The following EPB41L3 variants were observed in gnomAD, a reference collection of about 807,000 sequenced individuals.
EPB41L3 encodes the protein erythrocyte membrane protein band 4.1 like 3.
Under a neutral mutation model 127.1 loss-of-function variants are expected in EPB41L3, and 57 were observed. The observed-to-expected ratio is 0.45, with a 90% confidence interval of 0.36 to 0.56. EPB41L3 has a LOEUF of 0.56. EPB41L3 is among the 20% of genes least tolerant of loss of function. The probability of loss-of-function intolerance (pLI) is 0.00; values close to 1 mark genes in which losing one functional copy is unlikely to be tolerated. For missense variants in EPB41L3, 1,273 were observed against 1,372.2 expected, an observed-to-expected ratio of 0.93 and a Z score of 1.14; for synonymous variants, 572 against 549.5, an observed-to-expected ratio of 1.04 and a Z score of -0.57.
At chr18:5,501,993 G>T (rs954275330) in intron 1 of EPB41L3, among the ~76,000 whole-genome samples, 5 of 152,106 alleles carry the variant, frequency 3.3e-5, no homozygotes, top group African/African-American at 1.2e-4. Flanking sequence ...ACTCTGTTAT[G>T]AAAGCGTTAA....
At chr18:5,528,556 T>C (rs1304291446) in intron 1 of EPB41L3, among the ~76,000 whole-genome samples, 1 of 152,146 alleles carries the variant, frequency 6.6e-6, no homozygotes, top group Non-Finnish European at 1.5e-5. Flanking sequence ...ATAATATTTT[T>C]GTAAAATAAT....
At chr18:5,629,112 A>G (rs1044161323), upstream of EPB41L3, 1 of 152,226 alleles carries the variant, frequency 6.6e-6, no homozygotes. Flanking sequence ...AGCCACGGGA[A>G]GATGCAACGC....
At chr18:5,450,923 G>A (rs1405101984) in intron 3 of EPB41L3, among the ~76,000 whole-genome samples, 3 of 152,014 alleles carry the variant, frequency 2.0e-5, no homozygotes, top group African/African-American at 2.4e-5. Context: ...TAGAAACTTC[G>A]TCAGGTTCCG....
chr18:5,603,143 T>G (rs2094608411), intron 3 of EPB41L3, among the ~76,000 whole-genome samples: 1 of 152,210 alleles, frequency 6.6e-6, no homozygotes, highest in Non-Finnish European at 1.5e-5. Flanking sequence ...ACTTAATGTC[T>G]TATTCATCAG....
chr18:5,628,482 C>T (rs1568671957), intron 1 of EPB41L3, among the ~76,000 whole-genome samples: 2 of 152,228 alleles, frequency 1.3e-5, no homozygotes, highest in Non-Finnish European at 2.9e-5. Context: ...CTGGCCTCGC[C>T]TCGCCTCCGG....
intron 1 of EPB41L3, among the ~76,000 whole-genome samples, chr18:5,489,709 A>T (rs2090360387): frequency 6.6e-6 from 1 of 152,184 alleles, no homozygotes; most frequent in Non-Finnish European, 1.5e-5. Context: ...CTCTTAATCC[A>T]GTTATCCCTC....
chr18:5,540,433 C>T, intron 1 of EPB41L3: 1 of 985,454 alleles, frequency 1.0e-6, no homozygotes, highest in Non-Finnish European at 1.2e-6. Flanking sequence ...CTGGTTTTGC[C>T]TGCCCCACCC....
rs2077117883 is a variant in EPB41L3, at chr18:5,418,741, A to G, written c.1506+970T>C. ...ATATTTTAGCATAACTACAAAAATT[A>G]TTTGTCTATGTTAAGATGTCACTGC... On this transcript the variant is annotated intron_variant, in intron 12 of 22. Coordinates refer to ENST00000341928, the MANE Select transcript of EPB41L3 (RefSeq NM_012307.5). Among the ~76,000 whole-genome samples the G allele has an allele frequency of 2.0e-5, 3 of 152,182 alleles. 1 individual carries two copies. The South Asian group carries it at 6.2e-4, about 32-fold the overall frequency.
At chr18:5,482,309 C>T (rs1359495253) in intron 2 of EPB41L3, among the ~76,000 whole-genome samples, 1 of 151,900 alleles carries the variant, frequency 6.6e-6, no homozygotes, top group Admixed American at 6.6e-5. Context: ...TGAAAAGACA[C>T]AGAGAAAAAA....
At chr18:5,624,182 TG>T (rs1180327922) in intron 1 of EPB41L3, among the ~76,000 whole-genome samples, 4 of 152,302 alleles carry the variant, frequency 2.6e-5, no homozygotes, top group South Asian at 4.1e-4. Context: ...TTTAATTTTT[TG>T]TGGAGACAAC....
intron 2 of EPB41L3, among the ~76,000 whole-genome samples, chr18:5,483,154 G>A (rs527599542): frequency 6.6e-6 from 1 of 152,142 alleles, no homozygotes; most frequent in East Asian, 1.9e-4. Flanking sequence ...TAATGGGGAT[G>A]GAGTTAAAGT....
intron 1 of EPB41L3, among the ~76,000 whole-genome samples, chr18:5,515,037 A>G (rs931778518): frequency 3.3e-5 from 5 of 152,210 alleles, no homozygotes; most frequent in Admixed American, 6.5e-5. Context: ...TATTATTACT[A>G]ACAGTAAGTG....
intron 3 of EPB41L3, among the ~76,000 whole-genome samples, chr18:5,608,913 A>G (rs887089812): frequency 3.9e-5 from 6 of 152,240 alleles, no homozygotes; most frequent in Non-Finnish European, 4.4e-5. Flanking sequence ...AACTCAAATG[A>G]CACATATTCC....
rs1036378823 is a variant in EPB41L3 at position 5,561,003 on chromosome 18, A to C, written c.-306+51337T>G. Among the ~76,000 whole-genome samples, 18 of 125,256 alleles carry C rather than the reference A, an allele frequency of 1.4e-4. No homozygotes were observed. The South Asian group carries it at 3.0e-3, about 21-fold the overall frequency. 82.2% of individuals were successfully genotyped at this position (125,256 alleles called of 152,430 possible). Reference sequence around the variant, plus strand: ...TATTTATTTATTTATTTTGAGATGGAGTCTCGCTCTGTCGCCCAGGCTGGA... The same window carrying C: ...TATTTATTTATTTATTTTGAGATGGCGTCTCGCTCTGTCGCCCAGGCTGGA... On this transcript the variant is annotated intron_variant, in intron 3 of 21. Coordinates refer to the EPB41L3 transcript ENST00000545076.
At chr18:5,441,633 T>G (rs112943527) in intron 5 of EPB41L3, among the ~76,000 whole-genome samples, 3 of 150,806 alleles carry the variant, frequency 2.0e-5, no homozygotes, top group Non-Finnish European at 4.4e-5. Flanking sequence ...GCCCGGCTAA[T>G]TTTTGTATTT....
At chr18:5,511,958 C>T (rs1330339775) in intron 1 of EPB41L3, among the ~76,000 whole-genome samples, 1 of 152,234 alleles carries the variant, frequency 6.6e-6, no homozygotes, top group African/African-American at 2.4e-5. Flanking sequence ...AGAATAACTA[C>T]TTCAAAATCG....
intron 3 of EPB41L3, among the ~76,000 whole-genome samples, chr18:5,557,596 G>A (rs1216248516): frequency 6.6e-6 from 1 of 152,038 alleles, no homozygotes; most frequent in Non-Finnish European, 1.5e-5. Context: ...AGGTTGGCCA[G>A]GCTGGTCTTG....
At chr18:5,553,923 T>C (rs2093999246) in intron 3 of EPB41L3, among the ~76,000 whole-genome samples, 1 of 152,174 alleles carries the variant, frequency 6.6e-6, no homozygotes, top group Admixed American at 6.5e-5. Flanking sequence ...GTTCTGAACA[T>C]ATCTGCCAGC....
At chr18:5,407,144 G>A in intron 15 of EPB41L3, 176 bp from the exon 16 acceptor site, 16 of 595,336 alleles carry the variant, frequency 2.7e-5, no homozygotes, top group South Asian at 4.9e-5. Flanking sequence ...ATTTTCCCAT[G>A]GAAAGGAAAC....
Sources: gnomAD v4.1 joint callset for allele counts (sites outside exome capture counted in the v4.1 genomes callset) on GRCh38, gnomAD v4.1.1 for gene constraint, MANE v1.5 for transcripts, NCBI Gene and HGNC (gene_info 2026-07-23, HGNC 2026-07-21) for gene names.